The following DPEP2 variants were observed in gnomAD, a reference collection of about 807,000 sequenced individuals.
DPEP2 encodes the protein dipeptidase 2.
Under a neutral mutation model 51.8 loss-of-function variants are expected in DPEP2, and 45 were observed. The observed-to-expected ratio is 0.87, with a 90% CI of 0.68 to 1.11. DPEP2 has a LOEUF of 1.11. Among genes scored for constraint, DPEP2 ranks in the 50% most tolerant of loss-of-function variants. DPEP2 has a pLI of 0.00. For synonymous variants in DPEP2, 255 were observed against 262.7 expected (o/e 0.97, Z 0.28); for missense variants, 604 against 631.9 (o/e 0.96, Z 0.47).
chr16:67,991,639 A>G lies in DPEP2; in HGVS notation c.662+199T>C, dbSNP rs2032167811. ...GTTATCTGTCCGCCTCAGCCTCCCA[A>G]AGTTTTGGGATTACAGGCATGAGCC... On this transcript the variant is annotated intron_variant, in intron 5 of 10. Transcript: ENST00000393847. This position sits in a 1 kb window ranked among gnomAD's most constrained non-coding sequence, Gnocchi z 5.1. The G allele has an allele frequency of 3.9e-6, 3 of 764,980 alleles. No individual in the cohort carries two copies. The highest frequency in any genetic ancestry group is 1.8e-5 in the African/African-American group (1 of 57,076). 47.4% of individuals were successfully genotyped at this position (764,980 alleles called of 1,614,324 possible).
chr16:67,988,929 G>C (rs2031769095), intron 9 of DPEP2, among the ~76,000 whole-genome samples: 1 of 150,502 alleles, frequency 6.6e-6, no homozygotes. Context: ...AAGAAGAAAA[G>C]GAAGAAAGAA....
At chr16:67,995,410 A>G (rs1325294753) in intron 1 of DPEP2, among the ~76,000 whole-genome samples, 1 of 152,018 alleles carries the variant, frequency 6.6e-6, no homozygotes, top group Non-Finnish European at 1.5e-5. Context: ...TCTGCTTCAG[A>G]GAACAGTAGG....
intron 1 of DPEP2, among the ~76,000 whole-genome samples, chr16:67,996,313 T>C (rs1038679075): frequency 6.6e-5 from 10 of 151,472 alleles, no homozygotes; most frequent in South Asian, 2.1e-4. Flanking sequence ...TAGGAATAAA[T>C]AAATAACAGC....
At position 67,990,863 on chromosome 16, in the gene DPEP2, G is replaced by T. The variant is rs760423409; in HGVS notation, c.867C>A (p.Cys289Ter). ...IFSHSAARGV[C>*]NSARNVPDDI... is the part of the protein sequence containing the mutation. ...CATCAGGAACATTCCGAGCACTGTT[G>T]CACACACCCCGGGCAGCCGAGTGGG... The change falls in exon 7 of 11, where the codon TGC (cysteine) becomes TGA (stop). Residue 289 changes from cysteine (C) to a stop codon, truncating the protein, a stop_gained. Transcript: ENST00000393847. LOFTEE classifies it high-confidence loss of function. The T allele has an allele frequency of 1.9e-6, 3 of 1,614,152 alleles. No individual in the cohort carries two copies. Among genetic ancestry groups the T allele is most frequent in the Non-Finnish European group, 2.5e-6 (3 of 1,180,020 alleles).
At position 67,991,524 on chromosome 16, in the gene DPEP2, C is replaced by T. The variant is rs746975762; in HGVS notation, c.662+314G>A. On this transcript the variant is annotated intron_variant, in intron 5 of 10. Transcript: ENST00000393847. The surrounding 1 kb of genome is among the most constrained non-coding windows in gnomAD (Gnocchi z 5.1). ...TCCTGAGTATCTGGGATTATAGGCA[C>T]GCACCACCACACCTGGCTAATTTTT... is the stretch of plus-strand genomic sequence containing the variant. The T allele has an allele frequency of 6.2e-5, 32 of 512,178 alleles. No individual in the cohort carries two copies. The highest frequency in any genetic ancestry group is 4.4e-4 in the Admixed American group (13 of 29,752). The allele number at this position is 512,178 out of a possible 1,614,324, so 31.7% of individuals were successfully genotyped here. A position where few individuals can be genotyped will look rare whatever the true frequency, so the allele number is the denominator to read the frequency against.
intron 7 of DPEP2, among the ~76,000 whole-genome samples, 168 bp downstream of exon 7, chr16:67,990,653 G>A (rs1167624564): frequency 2.0e-5 from 3 of 152,032 alleles, no homozygotes; most frequent in Non-Finnish European, 4.4e-5. Flanking sequence ...TAGTAGAGAC[G>A]GGGTTTCCCC....
rs1166543121 is a variant in DPEP2, at chr16:67,993,276, G to A, written c.-45-19C>T. The A allele has an allele frequency of 1.4e-6, 2 of 1,381,710 alleles. No homozygotes were observed. Among genetic ancestry groups the A allele is most frequent in the African/African-American group, 1.5e-5 (1 of 66,946 alleles). 85.6% of individuals were successfully genotyped at this position (1,381,710 alleles called of 1,614,324 possible). A position where few individuals can be genotyped will look rare whatever the true frequency, so the allele number is the denominator to read the frequency against. On this transcript the variant is annotated intron_variant, in intron 1 of 10. Transcript: ENST00000393847. ...AGAGAGCCTGAGAGGGGCGGGCGAG[G>A]GGCAGAGCGCGACGATGGAGTCCCG...
chr16:67,996,137 C>G (rs1390743036), intron 1 of DPEP2, among the ~76,000 whole-genome samples: 1 of 151,634 alleles, frequency 6.6e-6, no homozygotes, highest in Non-Finnish European at 1.5e-5. Context: ...CTCTCAGGTT[C>G]AATCAATCCT....
intron 8 of DPEP2, 130 bp from the exon 9 acceptor site, chr16:67,989,528 C>T (rs1336763867): frequency 2.0e-5 from 18 of 903,916 alleles, no homozygotes; most frequent in Non-Finnish European, 2.9e-5. Context: ...TATGGCCTGC[C>T]ACATAGCTTG....
upstream of DPEP2, chr16:68,000,595 A>G (rs2032960562): frequency 2.7e-6 from 2 of 738,600 alleles, no homozygotes; most frequent in African/African-American, 3.8e-5. Flanking sequence ...CTTCCAAGCC[A>G]GAAAGCAGCC....
chr16:67,989,461 G>A, intron 8 of DPEP2, 63 bp from the exon 9 acceptor site: 1 of 1,542,072 alleles, frequency 6.5e-7, no homozygotes, highest in Non-Finnish European at 9.0e-7. Flanking sequence ...TGCCACTGGG[G>A]CTGGATGGCA....
At chr16:67,997,963 T>TAA (rs1012970198) in intron 1 of DPEP2, among the ~76,000 whole-genome samples, 3 of 152,180 alleles carry the variant, frequency 2.0e-5, no homozygotes, top group Non-Finnish European at 4.4e-5. Context: ...CTAGCTAACT[T>TAA]AGACTGTAGC....
At chr16:67,999,290 C>T (rs1196985191) in intron 1 of DPEP2, 85 bp downstream of exon 1, 1 of 168,080 alleles carries the variant, frequency 5.9e-6, no homozygotes, top group East Asian at 1.9e-4. Context: ...AGCTTCACTC[C>T]TGAGCCAACA....
chr16:67,993,014 G>GACT lies in DPEP2; in HGVS notation c.196_198dup (p.Ser66dup). On this transcript the variant is annotated inframe_insertion, in exon 2 of 11. Transcript: ENST00000393847. ...TGCTCTTGCAGGCCCTGGGTGCTGG[G>GACT]ACTACTGAGTGTGGTCGAGGGAGCG... 1 of 1,605,658 alleles carries GACT rather than the reference G, an allele frequency of 6.2e-7. No individual in the cohort carries two copies. The highest frequency in any genetic ancestry group is 8.5e-7 in the Non-Finnish European group (1 of 1,176,010).
intron 1 of DPEP2, 33 bp from the exon 2 acceptor site, chr16:67,993,290 G>C: frequency 7.3e-7 from 1 of 1,370,304 alleles, no homozygotes; most frequent in Non-Finnish European, 9.4e-7. Flanking sequence ...AGAGCGCGAC[G>C]ATGGAGTCCC....
chr16:67,998,080 C>T (rs1164964802), intron 1 of DPEP2, among the ~76,000 whole-genome samples: 4 of 152,056 alleles, frequency 2.6e-5, no homozygotes, highest in Non-Finnish European at 4.4e-5. Flanking sequence ...CGCTCGCTCT[C>T]GGGGCCTCCT....
At position 67,987,996 on chromosome 16, in the gene DPEP2, C is replaced by T. The variant is rs1285662363; in HGVS notation, c.1071-9G>A. On this transcript the variant is annotated splice_polypyrimidine_tract_variant and intron_variant, in intron 9 of 10. Coordinates refer to ENST00000393847, the MANE Select transcript of DPEP2 (RefSeq NM_022355.4). ...CCAGCCCCTGAGGGAATCTGTGTGGCCACCAGCTAGTGGGTTTCAGACCTG... is the reference window on the plus strand; with the variant it reads ...CCAGCCCCTGAGGGAATCTGTGTGGTCACCAGCTAGTGGGTTTCAGACCTG... 5 of 1,614,076 alleles carry T rather than the reference C, an allele frequency of 3.1e-6. No homozygotes were observed. Among genetic ancestry groups the T allele is most frequent in the Non-Finnish European group, 4.2e-6 (5 of 1,180,000 alleles).
At chr16:67,997,006 T>TATC (rs2032737314) in intron 1 of DPEP2, among the ~76,000 whole-genome samples, 2 of 123,932 alleles carry the variant, frequency 1.6e-5, no homozygotes, top group Admixed American at 1.5e-4. Context: ...ATGATATTAT[T>TATC]ATTATTATTA....
upstream of DPEP2, among the ~76,000 whole-genome samples, chr16:68,000,069 C>G (rs1036367675): frequency 1.3e-5 from 2 of 152,158 alleles, no homozygotes; most frequent in African/African-American, 4.8e-5. Flanking sequence ...CTTTCCTGTC[C>G]TCCAAAATCT....
Sources: gnomAD v4.1 joint callset for allele counts (sites outside exome capture counted in the v4.1 genomes callset) on GRCh38, gnomAD v4.1.1 for gene constraint, Gnocchi (gnomAD v3.1) non-coding constraint, MANE v1.5 for transcripts, NCBI Gene and HGNC (gene_info 2026-07-23, HGNC 2026-07-21) for gene names.